The following SLC8A3 variants were observed in gnomAD, a reference collection of about 807,000 sequenced individuals.
SLC8A3 encodes the protein sodium/calcium exchanger 3.
A neutral mutation model predicts 65.4 loss-of-function variants in SLC8A3; 37 were observed. The observed-to-expected ratio is 0.57, with a 90% CI of 0.44 to 0.74. The LOEUF (loss-of-function observed/expected upper bound fraction) is 0.74, where lower values mean the gene tolerates loss of function less well. Ranked by LOEUF, SLC8A3 falls within the 30% of genes least tolerant of loss-of-function variation. The pLI, the probability that SLC8A3 is intolerant of heterozygous loss-of-function variation, is 0.00. For missense variants in SLC8A3, 1,112 were observed against 1,172.1 expected, an observed-to-expected ratio of 0.95 and a Z score of 0.75; for synonymous variants, 461 against 444.5, an observed-to-expected ratio of 1.04 and a Z score of -0.47.
At chr14:70,182,197 G>A (rs1208891598) in intron 1 of SLC8A3, among the ~76,000 whole-genome samples, 1 of 152,176 alleles carries the variant, frequency 6.6e-6, no homozygotes, top group African/African-American at 2.4e-5. Flanking sequence ...AAAGTGGGAA[G>A]TCAGGAGGAG....
At chr14:70,118,233 A>G (rs972147520) in intron 2 of SLC8A3, among the ~76,000 whole-genome samples, 3 of 152,266 alleles carry the variant, frequency 2.0e-5, no homozygotes, top group African/African-American at 7.2e-5. Flanking sequence ...GAAAAATGCC[A>G]GTGTTACTTA....
At chr14:70,139,631 A>C (rs890104265) in intron 2 of SLC8A3, among the ~76,000 whole-genome samples, 4 of 152,206 alleles carry the variant, frequency 2.6e-5, no homozygotes, top group Non-Finnish European at 4.4e-5. Flanking sequence ...GGTATGAAAG[A>C]GGAAACTAGG....
In SLC8A3 at chr14:70,166,664, A is replaced by G. The variant is rs374042054; in HGVS notation, c.1759T>C (p.Leu587=). 2.9e-5 allele frequency: 46 copies of G among 1,597,438 alleles called. No individual in the cohort carries two copies. Among genetic ancestry groups the G allele is most frequent in the Admixed American group, 1.4e-4 (8 of 57,554 alleles). Residue 587 remains leucine, a synonymous_variant, in exon 2 of 7, where the codon TTG becomes CTG. Coordinates refer to ENST00000356921, the MANE Select transcript of SLC8A3 (RefSeq NM_182932.3). The part of the protein sequence containing the change: ...GEDFEDTYGE[L]EFKNDETVKT... ...ACAGTTTCATCATTCTTGAATTCCAACTCCCCATATGTGTCTTCAAAGTCC... is the reference window on the plus strand; with the variant it reads ...ACAGTTTCATCATTCTTGAATTCCAGCTCCCCATATGTGTCTTCAAAGTCC...
intron 2 of SLC8A3, among the ~76,000 whole-genome samples, chr14:70,159,773 AG>A (rs77881370): frequency 0.06 from 9,197 of 152,232 alleles, 783 homozygotes; most frequent in East Asian, 0.37. Flanking sequence ...AGCTCCAATT[AG>A]CACCTTCCCA....
At chr14:70,164,610 G>T (rs988661039) in intron 2 of SLC8A3, among the ~76,000 whole-genome samples, 4 of 152,084 alleles carry the variant, frequency 2.6e-5, no homozygotes, top group East Asian at 3.9e-4. Flanking sequence ...GAGACCCTAG[G>T]TGCATAATTG....
chr14:70,057,492 C>T, intron 3 of SLC8A3, among the ~76,000 whole-genome samples: 1 of 152,314 alleles, frequency 6.6e-6, no homozygotes. Context: ...CTGGTTTTCA[C>T]TCATACATGC....
At chr14:70,090,027 A>C (rs1307656626) in intron 2 of SLC8A3, among the ~76,000 whole-genome samples, 1 of 151,434 alleles carries the variant, frequency 6.6e-6, no homozygotes, top group Non-Finnish European at 1.5e-5. Context: ...TTCTCCTGTA[A>C]CTACCCTTTC....
At chr14:70,183,102 T>C (rs528121499) in intron 1 of SLC8A3, among the ~76,000 whole-genome samples, 3 of 152,332 alleles carry the variant, frequency 2.0e-5, no homozygotes, top group East Asian at 3.9e-4. Context: ...ATGGAAGCCA[T>C]GGCAGGAGCA....
intron 2 of SLC8A3, among the ~76,000 whole-genome samples, chr14:70,144,308 G>GTT (rs538954381): frequency 1.8e-4 from 9 of 49,072 alleles, no homozygotes; most frequent in Non-Finnish European, 2.8e-4. Context: ...AAAACTTCCT[G>GTT]TTTTTTTTTT....
chr14:70,176,852 T>C (rs887536940), intron 1 of SLC8A3, among the ~76,000 whole-genome samples: 2 of 152,252 alleles, frequency 1.3e-5, no homozygotes, highest in Non-Finnish European at 2.9e-5. Flanking sequence ...ATGCTATTCG[T>C]CCATTTTCAG....
chr14:70,156,951 G>T (rs958691873), intron 2 of SLC8A3, among the ~76,000 whole-genome samples: 1 of 152,198 alleles, frequency 6.6e-6, no homozygotes, highest in African/African-American at 2.4e-5. Context: ...CTAGTGTCCT[G>T]GAGAGGATAG....
intron 6 of SLC8A3, chr14:70,047,103 CA>C (rs935155845): frequency 6.6e-6 from 1 of 152,156 alleles, no homozygotes; most frequent in Non-Finnish European, 1.5e-5. Flanking sequence ...CAACTATATC[CA>C]AAGAGCTTCA....
At chr14:70,057,109 A>G (rs1483029136) in intron 3 of SLC8A3, among the ~76,000 whole-genome samples, 4 of 152,046 alleles carry the variant, frequency 2.6e-5, no homozygotes, top group African/African-American at 9.7e-5. Context: ...TAGGAATGCA[A>G]CTCAGGCCTG....
intron 2 of SLC8A3, among the ~76,000 whole-genome samples, chr14:70,067,323 AAGTT>A (rs775664845): frequency 3.3e-4 from 50 of 152,296 alleles, no homozygotes; most frequent in African/African-American, 4.6e-4. Flanking sequence ...ACACAGCCTG[AAGTT>A]AGTTAGTTAG....
At chr14:70,120,833 T>G (rs778581164) in intron 2 of SLC8A3, among the ~76,000 whole-genome samples, 1 of 152,216 alleles carries the variant, frequency 6.6e-6, no homozygotes, top group Non-Finnish European at 1.5e-5. Context: ...TGCTGGGTAC[T>G]GGAGGCACAG....
At position 70,167,372 on chromosome 14, in the gene SLC8A3, G is replaced by A. The variant is rs574579351; in HGVS notation, c.1051C>T (p.Arg351Cys). Residue 351 changes from arginine to cysteine, a missense_variant, in exon 2 of 7, where the codon CGT becomes TGT. Arg to Cys is a radical substitution (Grantham distance 180). Transcript: ENST00000356921. Reference sequence around the variant, plus strand: ...GTGGCTTGGATACGGTAGAAGGCACGGCTCTTCTGTTGGTGGGAAAGAGCA... The same window carrying A: ...GTGGCTTGGATACGGTAGAAGGCACAGCTCTTCTGTTGGTGGGAAAGAGCA... Reference protein sequence around the residue: ...YYALSHQQKSRAFYRIQATRM... With the variant: ...YYALSHQQKSCAFYRIQATRM... 28 of 1,614,036 alleles carry A rather than the reference G, an allele frequency of 1.7e-5. No individual in the cohort carries two copies. In the East Asian group the frequency reaches 2.2e-4, roughly 13 times the overall value.
intron 2 of SLC8A3, among the ~76,000 whole-genome samples, chr14:70,129,639 C>G (rs1461833726): frequency 6.6e-6 from 1 of 152,140 alleles, no homozygotes; most frequent in East Asian, 1.9e-4. Context: ...TTCCCTAACA[C>G]AAGAAATTCA....
chr14:70,075,162 T>TGTGC (rs1229490341), intron 2 of SLC8A3, among the ~76,000 whole-genome samples: 2 of 152,112 alleles, frequency 1.3e-5, no homozygotes, highest in Non-Finnish European at 2.9e-5. Context: ...TGCGTGCGTG[T>TGTGC]GTGCGTGTGT....
chr14:70,087,887 T>A (rs1007523612), intron 2 of SLC8A3, among the ~76,000 whole-genome samples: 4 of 152,182 alleles, frequency 2.6e-5, no homozygotes, highest in African/African-American at 4.8e-5. Flanking sequence ...TGCAAGGAAA[T>A]GTGCTACAAA....
Sources: allele counts gnomAD v4.1 joint callset (sites outside exome capture counted in the v4.1 genomes callset), GRCh38; gene constraint gnomAD v4.1.1; transcripts MANE v1.5; gene names NCBI Gene and HGNC (gene_info 2026-07-23, HGNC 2026-07-21).